Variants in PAK3 observed in about 807,000 individuals in gnomAD.
PAK3 encodes serine/threonine-protein kinase PAK 3.
A neutral mutation model predicts 41.0 loss-of-function variants in PAK3; 4 were observed. The observed-to-expected ratio is 0.10, with a 90% CI of 0.05 to 0.22. PAK3 has a LOEUF of 0.22. Among genes scored for constraint, PAK3 ranks in the 10% least tolerant of loss-of-function variants. The probability of loss-of-function intolerance (pLI) is 1.00; values close to 1 mark genes in which losing one functional copy is unlikely to be tolerated. For missense variants in PAK3, 205 were observed against 409.9 expected (o/e 0.50, Z 4.32); for synonymous variants, 146 against 139.6 (o/e 1.05, Z -0.32).
At chrX:111,203,344 A>C (rs1323194824) in intron 16 of PAK3, among the ~76,000 whole-genome samples, 1 of 112,116 alleles carries the variant, frequency 8.9e-6, no homozygotes, top group Admixed American at 9.5e-5. Flanking sequence ...AAGAAATGAC[A>C]TTAGTTCAGC....
At chrX:110,962,490 G>A (rs912106193) in intron 1 of PAK3, among the ~76,000 whole-genome samples, 1 of 112,573 alleles carries the variant, frequency 8.9e-6, no homozygotes, top group Non-Finnish European at 1.9e-5. Context: ...AAGCTGTCTT[G>A]CAAAGTTGAA....
intron 1 of PAK3, among the ~76,000 whole-genome samples, chrX:111,087,172 G>C (rs1468102221): frequency 9.4e-6 from 1 of 106,097 alleles, no homozygotes; most frequent in African/African-American, 3.5e-5. Flanking sequence ...TGTGTGTGTG[G>C]CAGGGTTTGC....
At chrX:111,117,229 G>A (rs1400459524) in intron 4 of PAK3, among the ~76,000 whole-genome samples, 3 of 111,952 alleles carry the variant, frequency 2.7e-5, no homozygotes, top group Admixed American at 9.5e-5. Flanking sequence ...TAGACCTGTC[G>A]TATGAATATT....
chrX:111,204,884 T>G (rs1180333747), intron 16 of PAK3, among the ~76,000 whole-genome samples: 13 of 102,218 alleles, frequency 1.3e-4, no homozygotes, highest in Non-Finnish European at 2.4e-4. Context: ...CTTTGTTTTT[T>G]TTTTTTTTTT....
At chrX:111,020,136 A>G (rs187262488) in intron 1 of PAK3, among the ~76,000 whole-genome samples, 28 of 112,532 alleles carry the variant, frequency 2.5e-4, no homozygotes, top group African/African-American at 9.0e-4. Context: ...TTGCAGCATT[A>G]TTCACAATAG....
At chrX:111,035,237 A>G (rs2092388130) in intron 1 of PAK3, among the ~76,000 whole-genome samples, 1 of 111,204 alleles carries the variant, frequency 9.0e-6, no homozygotes, top group East Asian at 2.8e-4. Context: ...GGCTCAACTA[A>G]GATGTCAGAA....
intron 13 of PAK3, among the ~76,000 whole-genome samples, chrX:111,193,348 C>CTT (rs758912089): frequency 2.0e-4 from 17 of 86,230 alleles, no homozygotes; most frequent in Non-Finnish European, 3.8e-4. Flanking sequence ...TTTTACAGTC[C>CTT]TTTTTTTTTT....
chrX:111,003,144 A>G (rs1424635507), intron 1 of PAK3, among the ~76,000 whole-genome samples: 1 of 105,552 alleles, frequency 9.5e-6, no homozygotes, highest in Non-Finnish European at 1.9e-5. Flanking sequence ...CACAAAGGAT[A>G]GTCTTCATAG....
At chrX:111,008,966 G>A (rs1291168098) in intron 1 of PAK3, among the ~76,000 whole-genome samples, 2 of 110,928 alleles carry the variant, frequency 1.8e-5, no homozygotes, top group Non-Finnish European at 3.8e-5. Context: ...CCAAGCCAGA[G>A]CCAGTGTCTG....
chrX:111,147,943 T>C, intron 7 of PAK3, 53 bp downstream of exon 7: 1 of 1,031,442 alleles, frequency 9.7e-7, no homozygotes, highest in South Asian at 1.9e-5. Flanking sequence ...AATTTCAGAG[T>C]GTCATGTTGA....
chrX:111,000,582 T>C (rs902513020), intron 1 of PAK3, among the ~76,000 whole-genome samples: 2 of 111,802 alleles, frequency 1.8e-5, no homozygotes, highest in Non-Finnish European at 3.8e-5. Flanking sequence ...GTAGAGAAAC[T>C]GGGAAAATGT....
At chrX:110,982,176 C>T (rs931942548) in intron 1 of PAK3, among the ~76,000 whole-genome samples, 6 of 111,399 alleles carry the variant, frequency 5.4e-5, no homozygotes, top group African/African-American at 2.0e-4. Flanking sequence ...GGAGGCATCA[C>T]CATTGTTTTG....
intron 1 of PAK3, among the ~76,000 whole-genome samples, chrX:111,062,879 T>A (rs1240385032): frequency 9.1e-6 from 1 of 109,873 alleles, no homozygotes; most frequent in Non-Finnish European, 1.9e-5. Flanking sequence ...ACAAAGAGCA[T>A]TCCCTTGGAG....
chrX:111,125,250 G>A (rs1187004346), intron 5 of PAK3, among the ~76,000 whole-genome samples: 1 of 111,781 alleles, frequency 8.9e-6, no homozygotes, highest in Admixed American at 9.5e-5. Context: ...TGACCTGTGA[G>A]AAGACTTGGC....
chrX:111,218,001 T>G (rs769076952), intron 17 of PAK3, among the ~76,000 whole-genome samples: 1 of 112,575 alleles, frequency 8.9e-6, no homozygotes, highest in Non-Finnish European at 1.9e-5. Context: ...GATACAAAAT[T>G]GTATTTTGAG....
intron 11 of PAK3, among the ~76,000 whole-genome samples, chrX:111,185,113 C>G (rs1368022474): frequency 1.8e-5 from 2 of 112,031 alleles, no homozygotes; most frequent in African/African-American, 6.5e-5. Context: ...GAGATGGTAT[C>G]TCATTGTGAT....
At chrX:111,219,853 G>A (rs924837147) in intron 17 of PAK3, among the ~76,000 whole-genome samples, 3 of 110,990 alleles carry the variant, frequency 2.7e-5, no homozygotes, top group Non-Finnish European at 5.7e-5. Context: ...GACCCAATAT[G>A]GTAGAATGTC....
chrX:111,110,845 A>G (rs2093358004), intron 4 of PAK3, among the ~76,000 whole-genome samples: 1 of 112,257 alleles, frequency 8.9e-6, no homozygotes, highest in South Asian at 3.7e-4. Flanking sequence ...AGAGGATGGG[A>G]GGACAAAAAG....
chrX:111,205,854 A>AT (rs763944980), intron 16 of PAK3, among the ~76,000 whole-genome samples: 2 of 112,055 alleles, frequency 1.8e-5, no homozygotes, highest in Admixed American at 1.9e-4. Flanking sequence ...CTAATATGGT[A>AT]ATTTGGAAAA....
Sources: allele counts gnomAD v4.1 joint callset (sites outside exome capture counted in the v4.1 genomes callset), GRCh38; gene constraint gnomAD v4.1.1; transcripts MANE v1.5; gene names NCBI Gene and HGNC (gene_info 2026-07-23, HGNC 2026-07-21).